The following TTBK2 variants were observed in gnomAD, a reference collection of about 807,000 sequenced individuals.
The protein encoded by TTBK2 is tau-tubulin kinase 2.
TTBK2 carries 28 observed loss-of-function variants against 110.8 expected under a neutral mutation model. The observed-to-expected ratio is 0.25, with a 90% CI of 0.19 to 0.35. The LOEUF (loss-of-function observed/expected upper bound fraction) is 0.35. Among genes scored for constraint, TTBK2 ranks in the 10% least tolerant of loss-of-function variants. TTBK2 has a pLI of 1.00. For missense variants in TTBK2, 1,369 were observed against 1,500.3 expected (o/e 0.91, Z 1.45); for synonymous variants, 532 against 527.3 (o/e 1.01, Z -0.12).
rs769283772 is a variant in TTBK2 at position 42,745,051 on chromosome 15, C to G, written c.*744G>C. 3 of 153,934 alleles carry G rather than the reference C, an allele frequency of 1.9e-5. No individual in the cohort carries two copies. The highest frequency in any genetic ancestry group is 4.4e-5 in the Non-Finnish European group (3 of 68,164). The allele number at this position is 153,934 out of a possible 1,614,324, so 9.5% of individuals were successfully genotyped here. The stretch of plus-strand genomic sequence containing the variant: ...CTAGTTAGACTTTTCTTTCCTTTAC[C>G]TAACTTTCTTATTTTTCATAATAAA... On this transcript the variant is annotated 3_prime_UTR_variant, in exon 15 of 15. Coordinates refer to ENST00000267890, the MANE Select transcript of TTBK2 (RefSeq NM_173500.4).
intron 1 of TTBK2, among the ~76,000 whole-genome samples, chr15:42,917,119 A>C (rs2031122129): frequency 6.6e-6 from 1 of 152,158 alleles, no homozygotes; most frequent in Non-Finnish European, 1.5e-5. Context: ...AGGACACTTA[A>C]GTTTTTCACA....
At chr15:42,897,823 TACACACACACACACAC>T (rs60880098) in intron 1 of TTBK2, among the ~76,000 whole-genome samples, 13 of 140,660 alleles carry the variant, frequency 9.2e-5, no homozygotes, top group Admixed American at 2.9e-4. Context: ...CCAGTAGTGG[TACACACACACACACAC>T]ACACACACAC....
At chr15:42,853,972 G>A (rs1220986287) in intron 3 of TTBK2, among the ~76,000 whole-genome samples, 1 of 152,110 alleles carries the variant, frequency 6.6e-6, no homozygotes, top group Non-Finnish European at 1.5e-5. Context: ...GTCTCACTCT[G>A]TCACCCAGGT....
In TTBK2 at chr15:42,740,017, TAAAA is replaced by T. The variant is rs1052286839; in HGVS notation, c.*5774_*5777del. ...ATAATATTAAATAATATTAAACTAA[TAAAA>T]AGAGAGGTAAAATTCCTATCCATTG... On this transcript the variant is annotated 3_prime_UTR_variant, in exon 15 of 15. Transcript: ENST00000267890. The T allele has an allele frequency of 1.3e-5, 2 of 152,182 alleles. No individual in the cohort carries two copies. Among genetic ancestry groups the T allele is most frequent in the South Asian group, 2.1e-4 (1 of 4,822 alleles). The allele number at this position is 152,182 out of a possible 1,614,324, so 9.4% of individuals were successfully genotyped here. A position where few individuals can be genotyped will look rare whatever the true frequency, so the allele number is the denominator to read the frequency against.
chr15:42,886,223 C>G (rs1031278644), intron 1 of TTBK2, among the ~76,000 whole-genome samples: 1 of 152,140 alleles, frequency 6.6e-6, no homozygotes, highest in African/African-American at 2.4e-5. Context: ...AGCCAGGTCC[C>G]AATTCTTCTT....
At chr15:42,788,066 T>G (rs555744723) in intron 10 of TTBK2, among the ~76,000 whole-genome samples, 6 of 152,086 alleles carry the variant, frequency 3.9e-5, no homozygotes, top group Non-Finnish European at 7.4e-5. Flanking sequence ...TATCTAAACA[T>G]AGAAAAGGTA....
chr15:42,843,360 C>T (rs1893310460), intron 3 of TTBK2, among the ~76,000 whole-genome samples: 1 of 152,202 alleles, frequency 6.6e-6, no homozygotes, highest in Non-Finnish European at 1.5e-5. Flanking sequence ...CGGTAGGGGC[C>T]TGAATTCTGT....
chr15:42,798,680 T>A (rs1447545845), intron 9 of TTBK2, among the ~76,000 whole-genome samples: 1 of 152,250 alleles, frequency 6.6e-6, no homozygotes, highest in African/African-American at 2.4e-5. Flanking sequence ...GGACTTATGG[T>A]TGATACTGTA....
rs144530636 is a variant in TTBK2, at chr15:42,814,146, C to T, written c.604-2366G>A. Among the ~76,000 whole-genome samples the T allele has an allele frequency of 3.5e-3, 527 of 151,998 alleles. 2 individuals carry two copies. Among genetic ancestry groups the T allele is most frequent in the African/African-American group, 0.012 (501 of 41,478 alleles). ...CAGCAATTCTCCTGCCTCAGCCTCC[C>T]GAGTAGCTGAGATTACAGGCGCCCG... is the stretch of plus-strand genomic sequence containing the variant. On this transcript the variant is annotated intron_variant, in intron 7 of 14. Transcript: ENST00000267890.
chr15:42,852,590 T>A (rs1893764068), intron 3 of TTBK2, among the ~76,000 whole-genome samples: 1 of 152,326 alleles, frequency 6.6e-6, no homozygotes, highest in Non-Finnish European at 1.5e-5. Context: ...AAGACACACA[T>A]ATTCTATTCC....
At chr15:42,899,556 T>C (rs1895802052) in intron 1 of TTBK2, among the ~76,000 whole-genome samples, 1 of 151,854 alleles carries the variant, frequency 6.6e-6, no homozygotes, top group Non-Finnish European at 1.5e-5. Context: ...TTGGCCAACA[T>C]GGTTAAACCC....
intron 13 of TTBK2, among the ~76,000 whole-genome samples, chr15:42,755,757 GA>G (rs1190199112): frequency 8.5e-5 from 13 of 152,170 alleles, no homozygotes; most frequent in African/African-American, 2.9e-4. Flanking sequence ...AGTATATTTT[GA>G]AAGTGATGTT....
At position 42,740,038 on chromosome 15, in the gene TTBK2, T is replaced by C. The variant is rs922210392; in HGVS notation, c.*5757A>G. ...CTAATAAAAAGAGAGGTAAAATTCC[T>C]ATCCATTGTTATTGTAAAATTATAT... On this transcript the variant is annotated 3_prime_UTR_variant, in exon 15 of 15. Coordinates refer to ENST00000267890, the MANE Select transcript of TTBK2 (RefSeq NM_173500.4). 2 of 152,240 alleles carry C rather than the reference T, an allele frequency of 1.3e-5. No homozygotes were observed. Among genetic ancestry groups the C allele is most frequent in the Admixed American group, 6.5e-5 (1 of 15,286 alleles). 9.4% of individuals were successfully genotyped at this position (152,240 alleles called of 1,614,324 possible).
At chr15:42,888,741 T>C (rs1449053612) in intron 1 of TTBK2, among the ~76,000 whole-genome samples, 1 of 152,176 alleles carries the variant, frequency 6.6e-6, no homozygotes, top group African/African-American at 2.4e-5. Context: ...GAAACTCTTC[T>C]CAAGGCCTCT....
chr15:42,758,603 C>T (rs959859089), intron 13 of TTBK2, among the ~76,000 whole-genome samples: 3 of 146,940 alleles, frequency 2.0e-5, no homozygotes, highest in South Asian at 2.2e-4. Flanking sequence ...TGTGGCGAGC[C>T]GAGATCGCAC....
chr15:42,885,347 T>C (rs1369175563), intron 1 of TTBK2, among the ~76,000 whole-genome samples: 1 of 152,198 alleles, frequency 6.6e-6, no homozygotes, highest in Non-Finnish European at 1.5e-5. Context: ...CCCTTTTTAC[T>C]CTCCAACCTC....
intron 12 of TTBK2, chr15:42,776,823 T>C (rs1255265876): frequency 1.1e-5 from 7 of 619,756 alleles, no homozygotes; most frequent in Non-Finnish European, 1.9e-5. Context: ...GGACATGCTA[T>C]AGAATTTATA....
At chr15:42,888,566 C>T (rs1164914977) in intron 1 of TTBK2, among the ~76,000 whole-genome samples, 1 of 152,184 alleles carries the variant, frequency 6.6e-6, no homozygotes, top group Non-Finnish European at 1.5e-5. Flanking sequence ...CCCTCCACTA[C>T]CTCTCAGCAA....
intron 6 of TTBK2, among the ~76,000 whole-genome samples, chr15:42,826,427 G>A (rs996735604): frequency 2.3e-4 from 35 of 152,030 alleles, no homozygotes; most frequent in African/African-American, 7.0e-4. Context: ...AATGCCTTAC[G>A]GTTTTATTGC....
Sources: allele counts gnomAD v4.1 joint callset (sites outside exome capture counted in the v4.1 genomes callset), GRCh38; gene constraint gnomAD v4.1.1; transcripts MANE v1.5; gene names NCBI Gene and HGNC (gene_info 2026-07-23, HGNC 2026-07-21).